Variants in OLFM3 observed in about 807,000 individuals in gnomAD.
OLFM3 encodes olfactomedin 3.
OLFM3 carries 20 observed loss-of-function variants against 48.6 expected under a neutral mutation model. The observed-to-expected ratio is 0.41, with a 90% CI of 0.29 to 0.60. The LOEUF (loss-of-function observed/expected upper bound fraction) is 0.60. Among genes scored for constraint, OLFM3 ranks in the 20% least tolerant of loss-of-function variants. The probability of loss-of-function intolerance (pLI) is 0.28; values close to 1 mark genes in which losing one functional copy is unlikely to be tolerated. For synonymous variants in OLFM3, 222 were observed against 198.1 expected, an observed-to-expected ratio of 1.12 and a Z score of -1.01; for missense variants, 437 against 544.3, an observed-to-expected ratio of 0.80 and a Z score of 1.96.
rs1167881569 is a variant in OLFM3 at position 101,803,040 on chromosome 1, T to G, written c.*1198A>C. 3 of 151,994 alleles carry G rather than the reference T, an allele frequency of 2.0e-5. No homozygotes were observed. The highest frequency in any genetic ancestry group is 7.3e-5 in the African/African-American group (3 of 41,378). The allele number at this position is 151,994 out of a possible 1,614,324, so 9.4% of individuals were successfully genotyped here. A position where few individuals can be genotyped will look rare whatever the true frequency, so the allele number is the denominator to read the frequency against. On this transcript the variant is annotated 3_prime_UTR_variant, in exon 6 of 6. Coordinates refer to ENST00000370103, the MANE Select transcript of OLFM3 (RefSeq NM_058170.4). ...CGTTTTTCCATTTTGTTTTCTGAATTGGTTATTTACACTTTTGAAACCACA... is the reference window on the plus strand; with the variant it reads ...CGTTTTTCCATTTTGTTTTCTGAATGGGTTATTTACACTTTTGAAACCACA...
intron 2 of OLFM3, among the ~76,000 whole-genome samples, chr1:101,835,869 T>A (rs972517315): frequency 1.3e-5 from 2 of 152,116 alleles, no homozygotes; most frequent in Non-Finnish European, 2.9e-5. Context: ...TTGCAAATAA[T>A]ATATACAGAG....
chr1:101,820,026 G>C (rs1018778259), intron 4 of OLFM3, among the ~76,000 whole-genome samples: 11 of 152,074 alleles, frequency 7.2e-5, no homozygotes, highest in Non-Finnish European at 1.2e-4. Context: ...GGAAGAGGAA[G>C]ATGGTCTCCT....
At chr1:101,816,683 T>C (rs1480047599) in intron 4 of OLFM3, among the ~76,000 whole-genome samples, 16 of 152,128 alleles carry the variant, frequency 1.1e-4, no homozygotes, top group Non-Finnish European at 4.4e-5. Flanking sequence ...AAAATGAAAA[T>C]TCTGAAGCTT....
intron 1 of OLFM3, among the ~76,000 whole-genome samples, chr1:101,940,794 G>A (rs1395641305): frequency 1.3e-5 from 2 of 150,764 alleles, no homozygotes; most frequent in African/African-American, 2.4e-5. Flanking sequence ...AAATGTATAT[G>A]TATAGCTTAA....
chr1:101,913,907 C>T (rs1008810), intron 1 of OLFM3, among the ~76,000 whole-genome samples: 65,696 of 151,776 alleles, frequency 0.43, 14,310 homozygotes, highest in East Asian at 0.59. Flanking sequence ...CAATATGTTA[C>T]TAAATCTAGA....
At chr1:101,925,696 C>CT (rs35232746) in intron 1 of OLFM3, among the ~76,000 whole-genome samples, 81 of 146,478 alleles carry the variant, frequency 5.5e-4, no homozygotes, top group Non-Finnish European at 7.4e-4. Flanking sequence ...TTAATTAATT[C>CT]TTTTTTTTTT....
At chr1:101,882,426 G>A (rs1402708865) in intron 1 of OLFM3, 3 of 150,718 alleles carry the variant, frequency 2.0e-5, no homozygotes, top group African/African-American at 7.3e-5. Context: ...TTGGATTAGG[G>A]TGACTAAAAA....
chr1:101,846,864 A>AG, intron 1 of OLFM3: 1 of 1,612,172 alleles, frequency 6.2e-7, no homozygotes, highest in South Asian at 1.1e-5. Flanking sequence ...CGGAGTCGAC[A>AG]GCCTCGTGGT....
chr1:101,889,706 A>G (rs1236679657), intron 1 of OLFM3, among the ~76,000 whole-genome samples: 1 of 152,112 alleles, frequency 6.6e-6, no homozygotes, highest in African/African-American at 2.4e-5. Context: ...ATTTGGATAT[A>G]CTGATCTAGC....
At chr1:101,967,392 C>CA (rs1197231876) in intron 1 of OLFM3, among the ~76,000 whole-genome samples, 1 of 150,664 alleles carries the variant, frequency 6.6e-6, no homozygotes, top group South Asian at 2.1e-4. Flanking sequence ...GCTGCTGTAG[C>CA]AAAAAAAGAA....
Position 101,869,144 on chromosome 1 carries a change from C to T in OLFM3, c.70-32119G>A, listed in dbSNP as rs1656972931. 2.0e-5 allele frequency among the ~76,000 whole-genome samples: 3 copies of T among 152,188 alleles called. No individual in the cohort carries two copies. The South Asian group carries it at 6.2e-4, about 32-fold the overall frequency. On this transcript the variant is annotated intron_variant, in intron 1 of 5. Coordinates refer to ENST00000370103, the MANE Select transcript of OLFM3 (RefSeq NM_058170.4). ...GGACCTGTAAGAAGATGGTCACCAT[C>T]CTCCAGACCCCAGAATGGTAGATCC...
At chr1:101,909,737 G>A (rs969180109) in intron 1 of OLFM3, among the ~76,000 whole-genome samples, 14 of 152,084 alleles carry the variant, frequency 9.2e-5, no homozygotes, top group African/African-American at 2.7e-4. Context: ...TAGTTATACT[G>A]AGTTTTTAAA....
chr1:101,895,412 TACACACACACAC>T (rs35047632), intron 1 of OLFM3, among the ~76,000 whole-genome samples: 33 of 144,204 alleles, frequency 2.3e-4, no homozygotes, highest in African/African-American at 8.0e-4. Context: ...AGCTCAAGAA[TACACACACACAC>T]ACACACACAC....
rs1349204011 is a variant in OLFM3 at position 101,804,936 on chromosome 1, A to T, written c.700-21T>A. ...CAGACCTGAGAAGAAGGAAAAAAAT[A>T]AATGGAGTGACTAAATTCTGTACTT... On this transcript the variant is annotated intron_variant, in intron 5 of 5. Coordinates refer to ENST00000370103, the MANE Select transcript of OLFM3 (RefSeq NM_058170.4). The surrounding 1 kb of genome is among the most constrained non-coding windows in gnomAD (Gnocchi z 4.5). 9.6e-6 allele frequency: 15 copies of T among 1,558,248 alleles called. No homozygotes were observed. Among genetic ancestry groups the T allele is most frequent in the Non-Finnish European group, 1.3e-5 (15 of 1,147,082 alleles).
chr1:101,955,993 C>A (rs529214615), intron 1 of OLFM3, among the ~76,000 whole-genome samples: 2 of 151,450 alleles, frequency 1.3e-5, no homozygotes, highest in Non-Finnish European at 3.0e-5. Flanking sequence ...TATTCTATTT[C>A]TCAGTTTATA....
intron 1 of OLFM3, among the ~76,000 whole-genome samples, chr1:101,961,949 C>T (rs1660478788): frequency 6.6e-6 from 1 of 152,126 alleles, no homozygotes; most frequent in South Asian, 2.1e-4. Context: ...ATCTTTTCTA[C>T]CACCCACAAC....
chr1:101,829,586 A>G (rs1655045061), intron 3 of OLFM3, among the ~76,000 whole-genome samples: 1 of 152,242 alleles, frequency 6.6e-6, no homozygotes, highest in Non-Finnish European at 1.5e-5. Context: ...AGACTCGGTT[A>G]CATGTTCCTC....
At chr1:101,867,104 A>C (rs556937456) in intron 1 of OLFM3, among the ~76,000 whole-genome samples, 1 of 152,302 alleles carries the variant, frequency 6.6e-6, no homozygotes, top group South Asian at 2.1e-4. Context: ...CTATACGTTA[A>C]ATAGGCTTTG....
chr1:101,885,594 C>G (rs1557716417), intron 1 of OLFM3, among the ~76,000 whole-genome samples: 2 of 152,030 alleles, frequency 1.3e-5, no homozygotes. Flanking sequence ...TCTTCTCAGC[C>G]TAATCAATGT....
Sources: gnomAD v4.1 joint callset for allele counts (sites outside exome capture counted in the v4.1 genomes callset) on GRCh38, gnomAD v4.1.1 for gene constraint, Gnocchi (gnomAD v3.1) non-coding constraint, MANE v1.5 for transcripts, NCBI Gene and HGNC (gene_info 2026-07-23, HGNC 2026-07-21) for gene names.